The following PLXNA2 variants were observed in gnomAD, a reference collection of about 807,000 sequenced individuals.
PLXNA2 encodes the protein plexin-A2.
In PLXNA2, 91 loss-of-function variants were observed where a neutral mutation model predicts 193.5. The observed-to-expected ratio is 0.47, with a 90% confidence interval of 0.40 to 0.56. PLXNA2 has a LOEUF of 0.56. Ranked by LOEUF, PLXNA2 falls within the 20% of genes least tolerant of loss-of-function variation. The probability of loss-of-function intolerance (pLI) is 0.00; values close to 1 mark genes in which losing one functional copy is unlikely to be tolerated. For synonymous variants in PLXNA2, 997 were observed against 1,027.3 expected, an observed-to-expected ratio of 0.97 and a Z score of 0.56; for missense variants, 1,995 against 2,503.2, an observed-to-expected ratio of 0.80 and a Z score of 4.33.
intron 4 of PLXNA2, among the ~76,000 whole-genome samples, chr1:208,113,546 C>CTTTTTTTT (rs397695261): frequency 1.9e-5 from 2 of 105,694 alleles, no homozygotes; most frequent in Admixed American, 1.2e-4. Flanking sequence ...CTCTCTCTCT[C>CTTTTTTTT]TTTTTTTTTT....
chr1:208,118,658 CT>C (rs1379108351), intron 4 of PLXNA2, among the ~76,000 whole-genome samples: 8 of 152,122 alleles, frequency 5.3e-5, no homozygotes, highest in Non-Finnish European at 1.2e-4. Flanking sequence ...CCCTGAATGG[CT>C]GCCTCAAATG....
chr1:208,068,112 G>A (rs1356177030), intron 12 of PLXNA2, among the ~76,000 whole-genome samples: 3 of 152,172 alleles, frequency 2.0e-5, no homozygotes, highest in African/African-American at 7.2e-5. Flanking sequence ...TCAATAAGAC[G>A]ATAACTATCT....
intron 2 of PLXNA2, among the ~76,000 whole-genome samples, chr1:208,212,919 C>T (rs766071145): frequency 1.1e-4 from 17 of 152,190 alleles, no homozygotes; most frequent in Non-Finnish European, 2.2e-4. Flanking sequence ...CATGTCTCAG[C>T]CTCAGTTTTC....
At position 208,216,499 on chromosome 1, in the gene PLXNA2, G is replaced by A. The variant is rs891130494; in HGVS notation, c.1188+236C>T. ...TGCAGCATTTACAATAGCACCTGATGTGATGTAGGCACTCAATACATATAT... is the reference window on the plus strand; with the variant it reads ...TGCAGCATTTACAATAGCACCTGATATGATGTAGGCACTCAATACATATAT... On this transcript the variant is annotated intron_variant, in intron 2 of 31. Coordinates refer to ENST00000367033, the MANE Select transcript of PLXNA2 (RefSeq NM_025179.4). 5.3e-5 allele frequency among the ~76,000 whole-genome samples: 8 copies of A among 152,228 alleles called. No individual in the cohort carries two copies. The South Asian group carries it at 6.2e-4, about 12-fold the overall frequency.
chr1:208,143,329 T>G (rs938387957), intron 3 of PLXNA2, among the ~76,000 whole-genome samples: 8 of 152,170 alleles, frequency 5.3e-5, no homozygotes, highest in Non-Finnish European at 8.8e-5. Flanking sequence ...GAGGGCTTGG[T>G]GAATGCACTG....
intron 8 of PLXNA2, among the ~76,000 whole-genome samples, chr1:208,094,644 G>T (rs144862443): frequency 2.8e-4 from 42 of 152,312 alleles, no homozygotes; most frequent in African/African-American, 8.7e-4. Flanking sequence ...AGCAGGGTTT[G>T]CTGGGATTCA....
chr1:208,142,248 C>A lies in PLXNA2; in HGVS notation c.1506+81G>T, dbSNP rs1179782582. 4.1e-6 allele frequency: 6 copies of A among 1,460,612 alleles called. No individual in the cohort carries two copies. In the East Asian group the frequency reaches 1.4e-4, roughly 34 times the overall value. The allele number at this position is 1,460,612 out of a possible 1,614,324, so 90.5% of individuals were successfully genotyped here. On this transcript the variant is annotated intron_variant, in intron 4 of 31. Coordinates refer to ENST00000367033, the MANE Select transcript of PLXNA2 (RefSeq NM_025179.4). ...AAGCCCAGAGGTCTCTCTTCTTGGACTGAACAGTTTCTGAACAAAGGTGAC... is the reference window on the plus strand; with the variant it reads ...AAGCCCAGAGGTCTCTCTTCTTGGAATGAACAGTTTCTGAACAAAGGTGAC...
Position 208,128,267 on chromosome 1 carries a change from C to T in PLXNA2, c.1506+14062G>A, listed in dbSNP as rs117536062. 6.4e-3 allele frequency among the ~76,000 whole-genome samples: 973 copies of T among 152,290 alleles called. 9 individuals are homozygous for T. Among genetic ancestry groups the T allele is most frequent in the African/African-American group, 0.018 (767 of 41,538 alleles). On this transcript the variant is annotated intron_variant, in intron 4 of 31. Coordinates refer to ENST00000367033, the MANE Select transcript of PLXNA2 (RefSeq NM_025179.4). The stretch of plus-strand genomic sequence containing the variant: ...ATAAGACAGAGGCTAGAAATAGATG[C>T]AACTGGCAGATGACTTAAGGATGAA...
At position 208,044,455 on chromosome 1, in the gene PLXNA2, T is replaced by G. The variant is rs772730560; in HGVS notation, c.3874+53A>C. Reference sequence around the variant, plus strand: ...GAGTTGTCTGCAGGGAGAAGGGCAATAAGGCAGGTGGAGAAAGAGGGACCC... The same window carrying G: ...GAGTTGTCTGCAGGGAGAAGGGCAAGAAGGCAGGTGGAGAAAGAGGGACCC... On this transcript the variant is annotated intron_variant, in intron 20 of 31. Coordinates refer to ENST00000367033, the MANE Select transcript of PLXNA2 (RefSeq NM_025179.4). This position sits in a 1 kb window ranked among gnomAD's most constrained non-coding sequence, Gnocchi z 4.9. 35 of 1,272,082 alleles carry G rather than the reference T, an allele frequency of 2.8e-5. No individual in the cohort carries two copies. Among genetic ancestry groups the G allele is most frequent in the Non-Finnish European group, 4.0e-5 (35 of 872,128 alleles). 78.8% of individuals were successfully genotyped at this position (1,272,082 alleles called of 1,614,324 possible). A position where few individuals can be genotyped will look rare whatever the true frequency, so the allele number is the denominator to read the frequency against.
At chr1:208,173,443 C>T (rs754029002) in intron 3 of PLXNA2, among the ~76,000 whole-genome samples, 2 of 152,098 alleles carry the variant, frequency 1.3e-5, no homozygotes, top group African/African-American at 2.4e-5. Flanking sequence ...TGCAACAAGC[C>T]CTGTGCATCC....
At chr1:208,230,617 A>G (rs1418228428) in intron 1 of PLXNA2, 2 of 152,310 alleles carry the variant, frequency 1.3e-5, no homozygotes, top group Non-Finnish European at 2.9e-5. Context: ...ACACAGGCTG[A>G]AGTTCCTCTC....
intron 5 of PLXNA2, among the ~76,000 whole-genome samples, chr1:208,100,646 G>C (rs1312599207): frequency 6.6e-6 from 1 of 152,150 alleles, no homozygotes; most frequent in Non-Finnish European, 1.5e-5. Flanking sequence ...TTATTCATTG[G>C]GATATTCTAC....
intron 1 of PLXNA2, among the ~76,000 whole-genome samples, chr1:208,243,113 G>T (rs1348271519): frequency 6.6e-6 from 1 of 152,164 alleles, no homozygotes; most frequent in Non-Finnish European, 1.5e-5. Flanking sequence ...CCGCGCAAAT[G>T]ATGTTTTCCC....
chr1:208,137,739 G>T (rs534081722), intron 4 of PLXNA2, among the ~76,000 whole-genome samples: 1 of 152,264 alleles, frequency 6.6e-6, no homozygotes, highest in South Asian at 2.1e-4. Context: ...TGACACTAAC[G>T]ACCCAACACT....
At chr1:208,186,658 T>C (rs1288506887) in intron 3 of PLXNA2, among the ~76,000 whole-genome samples, 2 of 151,760 alleles carry the variant, frequency 1.3e-5, no homozygotes, top group Non-Finnish European at 2.9e-5. Context: ...GCCCCACATC[T>C]GTAGAGAAGT....
intron 4 of PLXNA2, among the ~76,000 whole-genome samples, chr1:208,125,862 C>A (rs1186932710): frequency 6.6e-6 from 1 of 152,172 alleles, no homozygotes; most frequent in Non-Finnish European, 1.5e-5. Flanking sequence ...ATGGATAGAT[C>A]CGGACAGGCA....
intron 3 of PLXNA2, among the ~76,000 whole-genome samples, chr1:208,163,994 A>G (rs925519303): frequency 6.6e-6 from 1 of 152,250 alleles, no homozygotes; most frequent in Admixed American, 6.5e-5. Flanking sequence ...CATGGAGCAC[A>G]GGAAGGCAGG....
At chr1:208,160,567 C>G (rs553595991) in intron 3 of PLXNA2, among the ~76,000 whole-genome samples, 1 of 152,364 alleles carries the variant, frequency 6.6e-6, no homozygotes, top group South Asian at 2.1e-4. Flanking sequence ...GCCCAACAGG[C>G]TGGAAGAAAG....
chr1:208,043,013 T>C (rs748716501), intron 21 of PLXNA2, 48 bp downstream of exon 21: 8 of 1,602,168 alleles, frequency 5.0e-6, no homozygotes, highest in African/African-American at 2.7e-5. Flanking sequence ...TAGGATACCC[T>C]GGGCCTGCAT....
Sources: gnomAD v4.1 joint callset for allele counts (sites outside exome capture counted in the v4.1 genomes callset) on GRCh38, gnomAD v4.1.1 for gene constraint, Gnocchi (gnomAD v3.1) non-coding constraint, MANE v1.5 for transcripts, NCBI Gene and HGNC (gene_info 2026-07-23, HGNC 2026-07-21) for gene names.